Variants in IMMP2L observed in about 807,000 individuals in gnomAD.
The protein encoded by IMMP2L is mitochondrial inner membrane protease subunit 2.
Under a neutral mutation model 19.3 loss-of-function variants are expected in IMMP2L, and 18 were observed. That is an observed-to-expected ratio of 0.93 (90% CI 0.64 to 1.38). The LOEUF is 1.38. IMMP2L is among the 40% of genes most tolerant of loss of function. IMMP2L has a pLI of 0.00. For missense variants in IMMP2L, 233 were observed against 218.2 expected (o/e 1.07, Z -0.43); for synonymous variants, 76 against 73.0 (o/e 1.04, Z -0.21).
At chr7:110,697,463 T>C (rs756113563) in intron 5 of IMMP2L, among the ~76,000 whole-genome samples, 4 of 152,200 alleles carry the variant, frequency 2.6e-5, no homozygotes, top group Non-Finnish European at 5.9e-5. Flanking sequence ...ATTTTGTTGG[T>C]TTACAGTGTT....
At chr7:110,684,515 C>T (rs970079931) in intron 5 of IMMP2L, among the ~76,000 whole-genome samples, 1 of 151,890 alleles carries the variant, frequency 6.6e-6, no homozygotes, top group Non-Finnish European at 1.5e-5. Flanking sequence ...TACAATATAT[C>T]ACACAATTCC....
rs191972275 is a variant in IMMP2L at position 111,434,387 on chromosome 7, A to G, written c.239+52851T>C. On this transcript the variant is annotated intron_variant, in intron 3 of 5. Coordinates refer to ENST00000405709, the MANE Select transcript of IMMP2L (RefSeq NM_032549.4). ...CAAATGAGGATTAAATACAGTAAAA[A>G]GCTTCTGCACAGCAAAAGAATCACA... Among the ~76,000 whole-genome samples the G allele has an allele frequency of 1.8e-3, 270 of 151,584 alleles. 8 individuals are homozygous for G. The highest frequency in any genetic ancestry group is 6.2e-3 in the African/African-American group (256 of 41,118).
At chr7:110,975,893 T>A (rs1366411535) in intron 3 of IMMP2L, among the ~76,000 whole-genome samples, 1 of 152,130 alleles carries the variant, frequency 6.6e-6, no homozygotes, top group Non-Finnish European at 1.5e-5. Flanking sequence ...CACATTAAAC[T>A]CAGTAATATA....
At chr7:110,902,642 C>CTATTTTGTA (rs1585199892) in intron 4 of IMMP2L, among the ~76,000 whole-genome samples, 11 of 111,424 alleles carry the variant, frequency 9.9e-5, no homozygotes, top group East Asian at 4.7e-4. Context: ...AGTACAGACT[C>CTATTTTGTA]GGCCGGGCGC....
At chr7:111,317,553 A>G (rs957834450) in intron 3 of IMMP2L, among the ~76,000 whole-genome samples, 2 of 152,150 alleles carry the variant, frequency 1.3e-5, no homozygotes, top group African/African-American at 4.8e-5. Flanking sequence ...AAAACTAGTA[A>G]TAAAATACTC....
intron 3 of IMMP2L, among the ~76,000 whole-genome samples, chr7:111,353,630 C>T (rs1024090967): frequency 2.6e-5 from 4 of 152,056 alleles, no homozygotes; most frequent in African/African-American, 9.7e-5. Flanking sequence ...CATTAACACT[C>T]TTCTCTGAAA....
At chr7:110,849,755 C>T (rs961178746) in intron 5 of IMMP2L, among the ~76,000 whole-genome samples, 1 of 151,972 alleles carries the variant, frequency 6.6e-6, no homozygotes, top group Non-Finnish European at 1.5e-5. Context: ...ATGACAATAG[C>T]CTTGAAGATG....
intron 3 of IMMP2L, among the ~76,000 whole-genome samples, chr7:110,998,418 TAG>T (rs1376328812): frequency 1.3e-5 from 2 of 152,196 alleles, no homozygotes; most frequent in African/African-American, 4.8e-5. Context: ...GAAGAGAAGA[TAG>T]AGTTTTCTAG....
chr7:111,124,205 A>C, intron 3 of IMMP2L: 1 of 1,613,916 alleles, frequency 6.2e-7, no homozygotes, highest in Non-Finnish European at 8.5e-7. Context: ...GTCCATTCTG[A>C]GGGAACACTA....
intron 3 of IMMP2L, among the ~76,000 whole-genome samples, chr7:111,236,453 G>A (rs1346147341): frequency 6.6e-6 from 1 of 152,012 alleles, no homozygotes; most frequent in Non-Finnish European, 1.5e-5. Context: ...CTGATGCTTC[G>A]TGAATTATGA....
rs926488154 is a variant in IMMP2L, at chr7:111,171,159, G to C, written c.240-207594C>G. Among the ~76,000 whole-genome samples, 46 of 67,272 alleles carry C rather than the reference G, an allele frequency of 6.8e-4. 3 individuals carry two copies. The allele number at this position is 67,272 out of a possible 152,430, so 44.1% of individuals were successfully genotyped here. A position where few individuals can be genotyped will look rare whatever the true frequency, so the allele number is the denominator to read the frequency against. ...CAGCTTTTCTTCATGAGCATTCTTA[G>C]AGCCCTTTTCTAAAAGAAAAAGTAT... On this transcript the variant is annotated intron_variant, in intron 3 of 5. Transcript: ENST00000405709.
chr7:111,243,514 A>AT (rs11427623), intron 3 of IMMP2L, among the ~76,000 whole-genome samples: 121,407 of 141,542 alleles, frequency 0.86, 52,314 homozygotes, highest in Non-Finnish European at 0.9. Flanking sequence ...TTGTTGCTTT[A>AT]TTTTTTTTTT....
intron 3 of IMMP2L, among the ~76,000 whole-genome samples, chr7:111,420,133 A>C (rs970951534): frequency 4.6e-5 from 7 of 151,916 alleles, no homozygotes; most frequent in African/African-American, 1.7e-4. Flanking sequence ...AATTGTTCTA[A>C]TTATATTTAC....
chr7:111,379,180 T>G (rs1414983821), intron 3 of IMMP2L, among the ~76,000 whole-genome samples: 5 of 144,252 alleles, frequency 3.5e-5, no homozygotes, highest in Non-Finnish European at 7.6e-5. Context: ...TAAAATATCA[T>G]TGAAAACTTC....
intron 1 of IMMP2L, among the ~76,000 whole-genome samples, chr7:111,542,300 C>A (rs1457504271): frequency 6.6e-6 from 1 of 151,884 alleles, no homozygotes; most frequent in Admixed American, 6.6e-5. Context: ...AAATAAAAAC[C>A]TCAGTCTAGT....
Position 111,473,008 on chromosome 7 carries a change from T to C in IMMP2L, c.239+14230A>G, listed in dbSNP as rs532561311. ...TAAAAATGAATGAAGATTATTTGAT[T>C]AAGCAACATGCTTAATTTTGTACGT... On this transcript the variant is annotated intron_variant, in intron 3 of 5. Transcript: ENST00000405709. Among the ~76,000 whole-genome samples the C allele has an allele frequency of 3.9e-5, 6 of 152,298 alleles. No homozygotes were observed. In the South Asian group the frequency reaches 1.0e-3, roughly 26 times the overall value.
intron 5 of IMMP2L, among the ~76,000 whole-genome samples, chr7:110,881,445 A>G (rs2129544939): frequency 6.6e-6 from 1 of 152,334 alleles, no homozygotes; most frequent in African/African-American, 2.4e-5. Flanking sequence ...AACTATTGTT[A>G]CCAATATTTT....
At chr7:110,723,525 C>T (rs1217382500) in intron 5 of IMMP2L, among the ~76,000 whole-genome samples, 1 of 526 alleles carries the variant, frequency 1.9e-3, no homozygotes, top group African/African-American at 8.2e-3. Context: ...ATTCTTTAGG[C>T]TTGATTTTTT....
At chr7:111,243,274 A>C (rs55795424) in intron 3 of IMMP2L, among the ~76,000 whole-genome samples, 1 of 152,032 alleles carries the variant, frequency 6.6e-6, no homozygotes, top group Non-Finnish European at 1.5e-5. Flanking sequence ...AAGAGTTCTC[A>C]ATAAATACTA....
Sources: allele counts gnomAD v4.1 joint callset (sites outside exome capture counted in the v4.1 genomes callset), GRCh38; gene constraint gnomAD v4.1.1; transcripts MANE v1.5; gene names NCBI Gene and HGNC (gene_info 2026-07-23, HGNC 2026-07-21).